Variants in MTA3 observed in about 807,000 individuals in gnomAD.
MTA3 encodes metastasis-associated protein MTA3.
A neutral mutation model predicts 83.5 loss-of-function variants in MTA3; 34 were observed. The observed-to-expected ratio is 0.41, with a 90% CI of 0.31 to 0.54. MTA3 has a LOEUF of 0.54. Ranked by LOEUF, MTA3 falls within the 20% of genes least tolerant of loss-of-function variation. The pLI is 0.33. For synonymous variants in MTA3, 303 were observed against 252.7 expected, an observed-to-expected ratio of 1.20 and a Z score of -1.89; for missense variants, 761 against 726.4, an observed-to-expected ratio of 1.05 and a Z score of -0.55.
At chr2:42,574,508 C>G (rs113339346) in intron 2 of MTA3, among the ~76,000 whole-genome samples, 1 of 152,208 alleles carries the variant, frequency 6.6e-6, no homozygotes, top group East Asian at 1.9e-4. Context: ...TAGATCCTGG[C>G]TCACTGCAAC....
chr2:42,603,958 C>T (rs975766433), intron 3 of MTA3, among the ~76,000 whole-genome samples: 1 of 152,198 alleles, frequency 6.6e-6, no homozygotes, highest in African/African-American at 2.4e-5. Flanking sequence ...ATTGTGTTAG[C>T]CAGGATGGTC....
intron 4 of MTA3, among the ~76,000 whole-genome samples, chr2:42,633,698 T>C (rs1686906937): frequency 1.3e-5 from 2 of 152,086 alleles, no homozygotes; most frequent in Admixed American, 1.3e-4. Context: ...GAGACCATCC[T>C]GGCTAACACA....
At position 42,756,075 on chromosome 2, in the gene MTA3, A is replaced by T. The variant is rs1558648073; in HGVS notation, c.*2676A>T. 1.0e-6 allele frequency: 1 copy of T among 966,042 alleles called. No individual in the cohort carries two copies. The highest frequency in any genetic ancestry group is 1.2e-6 in the Non-Finnish European group (1 of 812,390). The allele number at this position is 966,042 out of a possible 1,614,324, so 59.8% of individuals were successfully genotyped here. A position where few individuals can be genotyped will look rare whatever the true frequency, so the allele number is the denominator to read the frequency against. On this transcript the variant is annotated 3_prime_UTR_variant, in exon 17 of 17. Coordinates refer to ENST00000405094, the MANE Select transcript of MTA3 (RefSeq NM_001330442.2). ...CATCCAGAGATTTGTTTAACACAAA[A>T]CAAGAAAAGCTGAGAGGCAAAACAG...
intron 2 of MTA3, among the ~76,000 whole-genome samples, chr2:42,517,327 T>C (rs2103684040): frequency 1.3e-5 from 2 of 151,612 alleles, no homozygotes; most frequent in East Asian, 3.9e-4. Context: ...ATCCCAGCAC[T>C]TTGGGAGGCC....
intron 9 of MTA3, among the ~76,000 whole-genome samples, chr2:42,683,328 A>G (rs1558578764): frequency 6.6e-6 from 1 of 151,998 alleles, no homozygotes; most frequent in African/African-American, 2.4e-5. Context: ...TAATGAAATG[A>G]CCTCTGCTAA....
At chr2:42,494,341 G>T (rs1482358025), upstream of MTA3, among the ~76,000 whole-genome samples, 1 of 152,186 alleles carries the variant, frequency 6.6e-6, no homozygotes, top group East Asian at 1.9e-4. Flanking sequence ...CCTTTTAACA[G>T]CCCTGGTTCA....
chr2:42,632,688 A>G (rs773233484), intron 4 of MTA3, among the ~76,000 whole-genome samples: 5 of 152,170 alleles, frequency 3.3e-5, no homozygotes, highest in Non-Finnish European at 5.9e-5. Context: ...CATCCCATGG[A>G]TGGAATGGGC....
At chr2:42,573,388 C>T (rs556504744) in intron 2 of MTA3, among the ~76,000 whole-genome samples, 3 of 152,170 alleles carry the variant, frequency 2.0e-5, no homozygotes, top group African/African-American at 7.2e-5. Flanking sequence ...CTCTGTCACC[C>T]AGGCTGGAGT....
intron 4 of MTA3, among the ~76,000 whole-genome samples, chr2:42,634,324 G>C (rs965769961): frequency 3.3e-5 from 5 of 152,202 alleles, no homozygotes; most frequent in Admixed American, 6.5e-5. Flanking sequence ...CACTGCTATA[G>C]AACTACCCGA....
chr2:42,594,705 C>CATATATATAT lies in MTA3; in HGVS notation c.191-14738_191-14729dup, dbSNP rs1167117095. ...ATACATATATACATATATAAATATA[C>CATATATATAT]ATATATATATATATATATATATATT... On this transcript the variant is annotated intron_variant, in intron 3 of 16. Transcript: ENST00000405094. Among the ~76,000 whole-genome samples the CATATATATAT allele has an allele frequency of 2.3e-3, 107 of 46,426 alleles. 2 individuals are homozygous for CATATATATAT. The highest frequency in any genetic ancestry group is 0.033 in the Middle Eastern group (1 of 30). 30.5% of individuals were successfully genotyped at this position (46,426 alleles called of 152,430 possible). A position where few individuals can be genotyped will look rare whatever the true frequency, so the allele number is the denominator to read the frequency against.
At chr2:42,682,669 T>G in intron 9 of MTA3, 80 bp downstream of exon 9, 1 of 1,283,054 alleles carries the variant, frequency 7.8e-7, no homozygotes, top group Non-Finnish European at 1.1e-6. Context: ...CTTACAGTAT[T>G]CATTTAGCAA....
intron 1 of MTA3, among the ~76,000 whole-genome samples, chr2:42,570,109 T>C (rs561502959): frequency 2.0e-5 from 3 of 152,298 alleles, no homozygotes; most frequent in Admixed American, 6.5e-5. Context: ...GTAGTTATAG[T>C]ACAGAGGACA....
chr2:42,524,470 G>GT (rs1675576852), intron 2 of MTA3, among the ~76,000 whole-genome samples: 6 of 95,988 alleles, frequency 6.3e-5, no homozygotes, highest in African/African-American at 2.6e-4. Context: ...CTGGCTAGTT[G>GT]TGTTTTTTTT....
intron 4 of MTA3, among the ~76,000 whole-genome samples, chr2:42,612,158 A>G (rs1272797574): frequency 6.6e-6 from 1 of 152,234 alleles, no homozygotes; most frequent in Non-Finnish European, 1.5e-5. Context: ...GATGGAACAT[A>G]AAAACGTGAC....
intron 16 of MTA3, among the ~76,000 whole-genome samples, chr2:42,745,824 C>CTTTTTTTTTTTTTTTTTTTTTT (rs146921280): frequency 0.096 from 10,952 of 113,860 alleles, 1,932 homozygotes; most frequent in East Asian, 0.2. Context: ...AAATAGTCCT[C>CTTTTTTTTTTTTTTTTTTTTTT]TTTTTTTTGA....
chr2:42,686,323 G>A (rs1573617033), intron 9 of MTA3, among the ~76,000 whole-genome samples: 1 of 152,322 alleles, frequency 6.6e-6, no homozygotes, highest in South Asian at 2.1e-4. Flanking sequence ...TTTATACACA[G>A]TAAAATTCAC....
At chr2:42,604,841 C>T (rs1272937298) in intron 3 of MTA3, among the ~76,000 whole-genome samples, 7 of 149,338 alleles carry the variant, frequency 4.7e-5, no homozygotes, top group African/African-American at 1.7e-4. Context: ...TTGCACCGCC[C>T]TTAATCCATT....
At chr2:42,520,251 C>G (rs1675358264) in intron 2 of MTA3, among the ~76,000 whole-genome samples, 1 of 152,178 alleles carries the variant, frequency 6.6e-6, no homozygotes. Flanking sequence ...AACCCTGCAC[C>G]TGTAGGCCCT....
chr2:42,547,720 A>G, intron 2 of MTA3, among the ~76,000 whole-genome samples: 1 of 152,228 alleles, frequency 6.6e-6, no homozygotes. Context: ...ATACTCCTAA[A>G]TTAGGTTTTC....
Sources: gnomAD v4.1 joint callset for allele counts (sites outside exome capture counted in the v4.1 genomes callset) on GRCh38, gnomAD v4.1.1 for gene constraint, MANE v1.5 for transcripts, NCBI Gene and HGNC (gene_info 2026-07-23, HGNC 2026-07-21) for gene names.